Variants in MALRD1 observed in about 807,000 individuals in gnomAD.
The protein encoded by MALRD1 is MAM and LDL-receptor class A domain-containing protein 1.
A neutral mutation model predicts 242.1 loss-of-function variants in MALRD1; 247 were observed. The observed-to-expected ratio is 1.02, with a 90% CI of 0.92 to 1.13. MALRD1 has a LOEUF of 1.13. Among genes scored for constraint, MALRD1 ranks in the 50% most tolerant of loss-of-function variants. The pLI, the probability that MALRD1 is intolerant of heterozygous loss-of-function variation, is 0.00. For missense variants in MALRD1, 2,989 were observed against 2,533.1 expected (o/e 1.18, Z -3.86); for synonymous variants, 995 against 866.6 (o/e 1.15, Z -2.60).
intron 33 of MALRD1, 44 bp downstream of exon 33, chr10:19,567,747 G>A (rs890086504): frequency 8.1e-6 from 12 of 1,484,626 alleles, no homozygotes; most frequent in Middle Eastern, 3.5e-4. Context: ...TTTGTTTTTA[G>A]TATCTAAATA....
intron 38 of MALRD1, among the ~76,000 whole-genome samples, chr10:19,698,760 G>T (rs79243928): frequency 1.3e-5 from 2 of 152,282 alleles, no homozygotes; most frequent in East Asian, 3.9e-4. Context: ...TGCTAGGAGT[G>T]TAAAGACAAT....
chr10:19,597,475 G>C (rs1198471241), intron 34 of MALRD1, among the ~76,000 whole-genome samples: 1 of 152,152 alleles, frequency 6.6e-6, no homozygotes, highest in Non-Finnish European at 1.5e-5. Context: ...CAAAATTATA[G>C]AATAAGAGAA....
chr10:19,630,283 T>A lies in MALRD1; in HGVS notation c.6137+14360T>A, dbSNP rs145496083. On this transcript the variant is annotated intron_variant, in intron 36 of 39. Coordinates refer to ENST00000454679, the MANE Select transcript of MALRD1 (RefSeq NM_001142308.3). The stretch of plus-strand genomic sequence containing the variant: ...ATGGTTATATAAACATACACGTTGG[T>A]ATTGAATTCAAAAATACATCTCTTT... Among the ~76,000 whole-genome samples, 1,413 of 152,224 alleles carry A rather than the reference T, an allele frequency of 9.3e-3. 19 individuals are homozygous for A. The highest frequency in any genetic ancestry group is 0.032 in the African/African-American group (1,326 of 41,542).
chr10:19,242,831 G>C (rs1376545327), intron 18 of MALRD1, among the ~76,000 whole-genome samples: 2 of 151,976 alleles, frequency 1.3e-5, no homozygotes, highest in African/African-American at 4.8e-5. Context: ...AGTGAGGTAA[G>C]TATCATGTAG....
chr10:19,176,220 A>T (rs920477105), intron 14 of MALRD1, among the ~76,000 whole-genome samples: 1 of 152,078 alleles, frequency 6.6e-6, no homozygotes, highest in Non-Finnish European at 1.5e-5. Context: ...TAGTGAGTGC[A>T]ACAGTTGTAT....
chr10:19,635,414 T>C (rs2131663485), intron 36 of MALRD1, among the ~76,000 whole-genome samples: 1 of 152,132 alleles, frequency 6.6e-6, no homozygotes, highest in East Asian at 1.9e-4. Flanking sequence ...AGTTAAAAAG[T>C]TCAAAAGCAG....
intron 36 of MALRD1, among the ~76,000 whole-genome samples, chr10:19,674,178 A>G (rs1326199265): frequency 6.6e-6 from 1 of 152,164 alleles, no homozygotes; most frequent in Non-Finnish European, 1.5e-5. Context: ...TCACTAAGAA[A>G]AGGATAAGCT....
intron 32 of MALRD1, among the ~76,000 whole-genome samples, chr10:19,542,421 T>G (rs1835011454): frequency 6.6e-6 from 1 of 151,878 alleles, no homozygotes; most frequent in Admixed American, 6.5e-5. Flanking sequence ...GTTTTAATAA[T>G]TATATAATTT....
chr10:19,429,973 T>C (rs972768448), intron 28 of MALRD1, among the ~76,000 whole-genome samples: 1 of 152,138 alleles, frequency 6.6e-6, no homozygotes, highest in Non-Finnish European at 1.5e-5. Flanking sequence ...TCATTACTTC[T>C]TAAGGTCTTT....
At chr10:19,077,850 A>T (rs990750768) in intron 2 of MALRD1, among the ~76,000 whole-genome samples, 13 of 151,812 alleles carry the variant, frequency 8.6e-5, no homozygotes, top group African/African-American at 3.1e-4. Context: ...TAGTTTTTTC[A>T]TTTATAAACT....
intron 18 of MALRD1, among the ~76,000 whole-genome samples, chr10:19,255,174 G>T (rs958443937): frequency 2.6e-5 from 4 of 151,980 alleles, no homozygotes; most frequent in African/African-American, 9.7e-5. Context: ...AATATAAGTA[G>T]AATTGACCTG....
rs369642926 is a variant in MALRD1, at chr10:19,263,836, G to A, written c.3079+6065G>A. ...GTACCATGATGTTGTGATTACTACA[G>A]CATTGTAATATAATTTGAAATTGGG... On this transcript the variant is annotated intron_variant, in intron 19 of 39. Coordinates refer to ENST00000454679, the MANE Select transcript of MALRD1 (RefSeq NM_001142308.3). Among the ~76,000 whole-genome samples, 6 of 152,226 alleles carry A rather than the reference G, an allele frequency of 3.9e-5. No individual in the cohort carries two copies. In the South Asian group the frequency reaches 1.0e-3, roughly 26 times the overall value.
intron 26 of MALRD1, among the ~76,000 whole-genome samples, chr10:19,382,840 G>C (rs1264308388): frequency 6.6e-6 from 1 of 152,098 alleles, no homozygotes; most frequent in Non-Finnish European, 1.5e-5. Flanking sequence ...TTTTCATCCT[G>C]TACCACTCCT....
intron 38 of MALRD1, among the ~76,000 whole-genome samples, chr10:19,723,799 C>T (rs1430977452): frequency 6.6e-6 from 1 of 152,000 alleles, no homozygotes; most frequent in Non-Finnish European, 1.5e-5. Flanking sequence ...TGAGTATTTT[C>T]TAAGTCTACT....
chr10:19,644,421 G>A (rs1041228760), intron 36 of MALRD1, among the ~76,000 whole-genome samples: 2 of 2,012 alleles, frequency 9.9e-4, no homozygotes, highest in South Asian at 0.031. Context: ...TGCCTTATCA[G>A]TCTACTTTGC....
intron 19 of MALRD1, among the ~76,000 whole-genome samples, chr10:19,275,695 T>A (rs4748568): frequency 0.59 from 89,604 of 151,780 alleles, 26,760 homozygotes; most frequent in Admixed American, 0.72. Flanking sequence ...AATAAAATAA[T>A]AAATAAAATC....
intron 38 of MALRD1, among the ~76,000 whole-genome samples, chr10:19,704,965 G>A (rs1274332715): frequency 3.3e-5 from 5 of 152,118 alleles, no homozygotes; most frequent in Non-Finnish European, 5.9e-5. Flanking sequence ...ACAGCAACAT[G>A]ACAAAACCCT....
At chr10:19,070,124 A>G (rs1302722611) in intron 2 of MALRD1, among the ~76,000 whole-genome samples, 2 of 152,034 alleles carry the variant, frequency 1.3e-5, no homozygotes, top group Non-Finnish European at 1.5e-5. Flanking sequence ...TGTTACCTTC[A>G]TTCTACTGAT....
intron 11 of MALRD1, among the ~76,000 whole-genome samples, chr10:19,152,666 T>C (rs1389901694): frequency 6.6e-6 from 1 of 152,172 alleles, no homozygotes; most frequent in Non-Finnish European, 1.5e-5. Context: ...TTGTGTAATA[T>C]ATCTGTTTCC....
Sources: allele counts gnomAD v4.1 joint callset (sites outside exome capture counted in the v4.1 genomes callset), GRCh38; gene constraint gnomAD v4.1.1; transcripts MANE v1.5; gene names NCBI Gene and HGNC (gene_info 2026-07-23, HGNC 2026-07-21).